DHRS9: variants seen among roughly 807,000 people sequenced by gnomAD.
DHRS9 encodes dehydrogenase/reductase 9.
Under a neutral mutation model 26.6 loss-of-function variants are expected in DHRS9, and 18 were observed. The ratio of observed to expected loss-of-function variants is 0.68; its 90% CI spans 0.47 to 1.00. The LOEUF is 1.00. Among genes scored for constraint, DHRS9 ranks in the 50% least tolerant of loss-of-function variants. The pLI, the probability that DHRS9 is intolerant of heterozygous loss-of-function variation, is 0.00. For missense variants in DHRS9, 425 were observed against 378.7 expected, an observed-to-expected ratio of 1.12 and a Z score of -1.01; for synonymous variants, 134 against 141.1, an observed-to-expected ratio of 0.95 and a Z score of 0.36.
chr2:169,082,680 G>T (rs1684226684), intron 2 of DHRS9, among the ~76,000 whole-genome samples: 1 of 152,110 alleles, frequency 6.6e-6, no homozygotes, highest in Non-Finnish European at 1.5e-5. Context: ...CCAAGTGAAT[G>T]ACTGAATTCT....
chr2:169,086,582 G>A (rs979328554), intron 3 of DHRS9, among the ~76,000 whole-genome samples: 2 of 151,494 alleles, frequency 1.3e-5, no homozygotes, highest in African/African-American at 4.9e-5. Flanking sequence ...GAAGAGTTAG[G>A]TATTTATTGC....
upstream of DHRS9, chr2:169,067,089 AGTC>A: frequency 6.5e-7 from 1 of 1,530,964 alleles, no homozygotes; most frequent in Non-Finnish European, 8.7e-7. Context: ...AGCAGCTTAT[AGTC>A]GTTCAGAGAA....
rs748041645 is a variant in DHRS9, at chr2:169,081,802, C to T, written c.221C>T (p.Ser74Leu). 1.4e-5 allele frequency: 23 copies of T among 1,614,028 alleles called. No homozygotes were observed. In the South Asian group the frequency reaches 2.4e-4, roughly 17 times the overall value. ...SGSTALKAET[S>L]ERLRTVLLDV... Reference sequence around the variant, plus strand: ...TCAACAGCTTTAAAGGCAGAAACCTCAGAGAGACTTCGTACTGTGCTTCTG... The same window carrying T: ...TCAACAGCTTTAAAGGCAGAAACCTTAGAGAGACTTCGTACTGTGCTTCTG... Residue 74 changes from serine (S) to leucine (L), a missense_variant, in exon 2 of 5, where the codon TCA (serine) becomes TTA (leucine). Ser to Leu is a moderately radical substitution (Grantham distance 145). Coordinates refer to ENST00000674881, the MANE Select transcript of DHRS9 (RefSeq NM_001376924.1).
At chr2:169,074,502 G>A in intron 1 of DHRS9, 1 of 967,060 alleles carries the variant, frequency 1.0e-6, no homozygotes, top group African/African-American at 1.8e-5. Context: ...TTGGGACCAA[G>A]GGGCCGTGCA....
intron 3 of DHRS9, among the ~76,000 whole-genome samples, chr2:169,084,217 C>A (rs1684282469): frequency 6.6e-6 from 1 of 152,098 alleles, no homozygotes; most frequent in Non-Finnish European, 1.5e-5. Context: ...ATATATACTG[C>A]ATTTTCCTTA....
chr2:169,091,040 A>T (rs1684505235), intron 3 of DHRS9, among the ~76,000 whole-genome samples: 1 of 152,098 alleles, frequency 6.6e-6, no homozygotes, highest in African/African-American at 2.4e-5. Flanking sequence ...GATGTTTGAC[A>T]GGTTAGGTAT....
rs949851897 is a variant in DHRS9 at position 169,095,877 on chromosome 2, C to A, written c.*110C>A. On this transcript the variant is annotated 3_prime_UTR_variant, in exon 5 of 5. Transcript: ENST00000674881. The stretch of plus-strand genomic sequence containing the variant: ...TGCTCCAACCTGGACTCATTTAGAT[C>A]GTGCTTATTTGGATTGCAAAAGGGA... 7 of 1,012,946 alleles carry A rather than the reference C, an allele frequency of 6.9e-6. No homozygotes were observed. Among genetic ancestry groups the A allele is most frequent in the Non-Finnish European group, 1.0e-5 (7 of 679,394 alleles). The allele number at this position is 1,012,946 out of a possible 1,614,324, so 62.7% of individuals were successfully genotyped here.
At chr2:169,093,357 CAT>C (rs1013531598) in intron 4 of DHRS9, among the ~76,000 whole-genome samples, 8 of 152,034 alleles carry the variant, frequency 5.3e-5, no homozygotes, top group Non-Finnish European at 1.0e-4. Flanking sequence ...CACACACACA[CAT>C]GCACACACAC....
At chr2:169,074,307 T>C (rs898700230) in intron 1 of DHRS9, 76 of 985,490 alleles carry the variant, frequency 7.7e-5, no homozygotes, top group Middle Eastern at 1.0e-3. Context: ...CCTCTGATGA[T>C]AGTGAAACTG....
intron 1 of DHRS9, among the ~76,000 whole-genome samples, chr2:169,080,052 A>AGAAG: frequency 6.8e-6 from 1 of 147,830 alleles, no homozygotes; most frequent in Non-Finnish European, 1.5e-5. Flanking sequence ...AAAGAAAGAA[A>AGAAG]ATAAAGTCCA....
At chr2:169,067,342 G>A (rs1683674217), upstream of DHRS9, 1 of 1,509,706 alleles carries the variant, frequency 6.6e-7, no homozygotes, top group South Asian at 1.2e-5. Flanking sequence ...TGGTGTAGTT[G>A]CAGGAAGCCT....
chr2:169,074,804 A>T (rs960876347), intron 1 of DHRS9, among the ~76,000 whole-genome samples: 6 of 151,754 alleles, frequency 4.0e-5, no homozygotes, highest in Non-Finnish European at 5.9e-5. Flanking sequence ...AGAGTGTAGC[A>T]AAACTCTAGG....
intron 1 of DHRS9, among the ~76,000 whole-genome samples, chr2:169,079,762 G>A (rs1360288139): frequency 6.6e-6 from 1 of 151,218 alleles, no homozygotes; most frequent in East Asian, 1.9e-4. Context: ...TCAGGAAGCT[G>A]AGGCATGAAA....
chr2:169,074,843 C>T (rs1276027918), intron 1 of DHRS9, among the ~76,000 whole-genome samples: 12 of 152,160 alleles, frequency 7.9e-5, no homozygotes, highest in Non-Finnish European at 1.3e-4. Flanking sequence ...AGGATTCAGA[C>T]TGTAGGCCTA....
At position 169,095,765 on chromosome 2, in the gene DHRS9, T is replaced by C. The variant is rs1684680335; in HGVS notation, c.958T>C (p.Ter320ArgextTer3). 1.2e-6 allele frequency: 2 copies of C among 1,613,268 alleles called. No homozygotes were observed. The highest frequency in any genetic ancestry group is 1.7e-5 in the Admixed American group (1 of 59,918). Residue 320 changes from the stop codon to arginine, a stop_lost, in exon 5 of 5, where the codon TGA becomes CGA. Coordinates refer to ENST00000674881, the MANE Select transcript of DHRS9 (RefSeq NM_001376924.1). ...AGAGCTGGCTAATCCCAAGGCAGTGTGACTCAGCTAACCACAAATGTCTCC... is the reference window on the plus strand; with the variant it reads ...AGAGCTGGCTAATCCCAAGGCAGTGCGACTCAGCTAACCACAAATGTCTCC... ...KAELANPKAV[*>R]
intron 3 of DHRS9, among the ~76,000 whole-genome samples, chr2:169,086,949 C>A (rs1367752053): frequency 1.3e-5 from 2 of 152,112 alleles, no homozygotes; most frequent in Non-Finnish European, 2.9e-5. Flanking sequence ...TGAGTCAGAC[C>A]CAAGGCCCTC....
At chr2:169,069,349 A>G (rs1683733805), upstream of DHRS9, 2 of 892,900 alleles carry the variant, frequency 2.2e-6, no homozygotes, top group Non-Finnish European at 2.7e-6. Context: ...TTTGGTCAAG[A>G]GATTGTACTA....
intron 1 of DHRS9, chr2:169,070,616 T>C: frequency 1.0e-6 from 1 of 984,784 alleles, no homozygotes. Context: ...TATTCTATTT[T>C]TAATATTCAA....
intron 3 of DHRS9, among the ~76,000 whole-genome samples, chr2:169,088,566 T>C (rs1189743627): frequency 6.6e-6 from 1 of 152,242 alleles, no homozygotes; most frequent in Non-Finnish European, 1.5e-5. Flanking sequence ...TGAAGGCTTC[T>C]ATTTGGCCAT....
Sources: allele counts gnomAD v4.1 joint callset (sites outside exome capture counted in the v4.1 genomes callset), GRCh38; gene constraint gnomAD v4.1.1; transcripts MANE v1.5; gene names NCBI Gene and HGNC (gene_info 2026-07-23, HGNC 2026-07-21).